The following ABCD4 variants were observed in gnomAD, a reference collection of about 807,000 sequenced individuals.
The protein encoded by ABCD4 is ATP binding cassette subfamily D member 4.
A neutral mutation model predicts 86.3 loss-of-function variants in ABCD4; 53 were observed. The ratio of observed to expected loss-of-function variants is 0.61; its 90% CI spans 0.49 to 0.77. ABCD4 has a LOEUF of 0.77. ABCD4 is among the 30% of genes least tolerant of loss of function. The pLI, the probability that ABCD4 is intolerant of heterozygous loss-of-function variation, is 0.00. For synonymous variants in ABCD4, 328 were observed against 313.6 expected (o/e 1.05, Z -0.49); for missense variants, 757 against 764.5 (o/e 0.99, Z 0.12).
chr14:74,300,497 C>A (rs1186598511), intron 1 of ABCD4, among the ~76,000 whole-genome samples: 5 of 150,132 alleles, frequency 3.3e-5, no homozygotes, highest in African/African-American at 1.2e-4. Context: ...GAGGCTGAGT[C>A]AGGAGAATTG....
Position 74,290,344 on chromosome 14 carries a change from G to A in ABCD4, c.1274C>T (p.Thr425Ile), listed in dbSNP as rs768330414. ...AACCCGGAGCAAGGAGGTCTTGCCA[G>A]TGCCCGTGTTGCCTGTGATGAGCAG... ...QSLLITGNTG[T>I]GKTSLLRVLG... Residue 425 changes from threonine to isoleucine, a missense_variant, in exon 12 of 19, where the codon ACT (threonine) becomes ATT (isoleucine). Transcript: ENST00000356924. 5 of 1,614,236 alleles carry A rather than the reference G, an allele frequency of 3.1e-6. No individual in the cohort carries two copies. In the South Asian group the frequency reaches 4.4e-5, roughly 14 times the overall value.
At chr14:74,287,919 G>A (rs755824000) in intron 16 of ABCD4, 33 bp from the exon 17 acceptor site, 1 of 1,578,616 alleles carries the variant, frequency 6.3e-7, no homozygotes, top group Admixed American at 1.7e-5. Flanking sequence ...ACTGCTAGAG[G>A]AGGAAGAATA....
chr14:74,293,202 GTC>G lies in ABCD4; in HGVS notation c.764_765del (p.Arg255ThrfsTer23). 6.2e-7 allele frequency: 1 copy of G among 1,614,180 alleles called. No homozygotes were observed. Among genetic ancestry groups the G allele is most frequent in the Non-Finnish European group, 8.5e-7 (1 of 1,180,028 alleles). On this transcript the variant is annotated frameshift_variant, in exon 8 of 19. Transcript: ENST00000356924. LOFTEE classifies it high-confidence loss of function. ...EHMRTDRRLQ[R>X]LLQTQRELMS... Reference sequence around the variant, plus strand: ...ATCAGCTCCCTCTGGGTCTGAAGGAGTCTCTGCAGCCTGCGGTCTGTCCTCAT... The same window carrying G: ...ATCAGCTCCCTCTGGGTCTGAAGGAGTCTGCAGCCTGCGGTCTGTCCTCAT...
Position 74,292,834 on chromosome 14 carries a change from G to A in ABCD4, c.850C>T (p.Leu284=). 1.2e-6 allele frequency: 2 copies of A among 1,614,128 alleles called. No homozygotes were observed. The highest frequency in any genetic ancestry group is 1.7e-6 in the Non-Finnish European group (2 of 1,180,022). The change falls in exon 9 of 19, where the codon CTG becomes TTG. Residue 284 remains leucine, a synonymous_variant. Coordinates refer to ENST00000356924, the MANE Select transcript of ABCD4 (RefSeq NM_005050.4). ...GGGATTGCGATGACAACGTAACTCA[G>A]GATGCTGCCCAGATAGTCAAAGGTG... The part of the protein sequence containing the change: ...INTFDYLGSI[L]SYVVIAIPIF...
In ABCD4 at chr14:74,290,032, C is replaced by T. The variant is rs1425390688; in HGVS notation, c.1414G>A (p.Glu472Lys). ...GCCCCCTGAACTAGACTGACCTGCT[C>T]CCGAAGGGTCCCGTCAGTGAAGAAT... ...KPFFTDGTLR[E>K]QVIYPLKEVY... Residue 472 changes from glutamate (E) to lysine (K), a missense_variant, in exon 13 of 19, where the codon GAG becomes AAG. Glu to Lys is a moderately conservative substitution (Grantham distance 56, BLOSUM62 1). Transcript: ENST00000356924. 7.4e-6 allele frequency: 12 copies of T among 1,613,988 alleles called. No individual in the cohort carries two copies. The highest frequency in any genetic ancestry group is 2.5e-6 in the Non-Finnish European group (3 of 1,180,014).
At chr14:74,300,325 A>C in intron 1 of ABCD4, 57 bp from the exon 2 acceptor site, 1 of 1,148,290 alleles carries the variant, frequency 8.7e-7, no homozygotes, top group Non-Finnish European at 1.3e-6. Flanking sequence ...AGCCTTAGGG[A>C]GTAGTTATTA....
At chr14:74,291,186 G>A (rs1042870756) in intron 11 of ABCD4, among the ~76,000 whole-genome samples, 1 of 152,194 alleles carries the variant, frequency 6.6e-6, no homozygotes, top group African/African-American at 2.4e-5. Context: ...TGGACCATAA[G>A]CATCCAGAAT....
rs138775118 is a variant in ABCD4 at position 74,292,817 on chromosome 14, G to A, written c.867C>T (p.Ile289=). ...YLGSILSYVV[I]AIPIFSGVYG... is the part of the protein sequence containing the mutation. ...AGACCCCGCTGAAAATGGGGATTGC[G>A]ATGACAACGTAACTCAGGATGCTGC... Residue 289 remains isoleucine, a synonymous_variant, in exon 9 of 19, where the codon ATC becomes ATT. Transcript: ENST00000356924. 349 of 1,614,182 alleles carry A rather than the reference G, an allele frequency of 2.2e-4. No individual in the cohort carries two copies. Among genetic ancestry groups the A allele is most frequent in the Non-Finnish European group, 2.7e-4 (313 of 1,180,038 alleles).
intron 3 of ABCD4, among the ~76,000 whole-genome samples, chr14:74,298,332 C>T (rs776773117): frequency 2.2e-4 from 34 of 152,112 alleles, no homozygotes; most frequent in Non-Finnish European, 3.7e-4. Context: ...AGTGCAATGG[C>T]GCGATCTTGG....
At position 74,288,176 on chromosome 14, in the gene ABCD4, T is replaced by C. The variant is rs759561466; in HGVS notation, c.1559+31A>G. ...AAACCCACTGTCTTTATGGTGGGGC[T>C]ATCTCTGGAGCACCCAAGCTCTTTT... On this transcript the variant is annotated intron_variant, in intron 16 of 18. Coordinates refer to ENST00000356924, the MANE Select transcript of ABCD4 (RefSeq NM_005050.4). 142 of 1,609,590 alleles carry C rather than the reference T, an allele frequency of 8.8e-5. 1 individual carries two copies. The Admixed American group carries it at 1.6e-3, about 19-fold the overall frequency.
intron 8 of ABCD4, 51 bp from the exon 9 acceptor site, chr14:74,292,920 A>T: frequency 6.2e-7 from 1 of 1,612,156 alleles, no homozygotes; most frequent in African/African-American, 1.3e-5. Flanking sequence ...CATGCCCTAC[A>T]GCGGACACAA....
rs1156505986 is a variant in ABCD4 at position 74,293,206 on chromosome 14, C to CAGA, written c.761_762insTCT (p.Gln254delinsHisLeu). 1.2e-6 allele frequency: 2 copies of CAGA among 1,614,082 alleles called. No homozygotes were observed. The highest frequency in any genetic ancestry group is 2.7e-5 in the African/African-American group (2 of 74,926). On this transcript the variant is annotated protein_altering_variant, in exon 8 of 19. Coordinates refer to ENST00000356924, the MANE Select transcript of ABCD4 (RefSeq NM_005050.4). ...GCTCCCTCTGGGTCTGAAGGAGTCTCTGCAGCCTGCGGTCTGTCCTCATGT... is the reference window on the plus strand; with the variant it reads ...GCTCCCTCTGGGTCTGAAGGAGTCTCAGATGCAGCCTGCGGTCTGTCCTCATGT...
At chr14:74,291,175 G>C (rs893991613) in intron 11 of ABCD4, among the ~76,000 whole-genome samples, 1 of 152,200 alleles carries the variant, frequency 6.6e-6, no homozygotes, top group Non-Finnish European at 1.5e-5. Flanking sequence ...CAACTTGATC[G>C]TGGACCATAA....
intron 11 of ABCD4, 114 bp from the exon 12 acceptor site, chr14:74,290,613 C>G (rs1435390327): frequency 1.0e-5 from 8 of 768,676 alleles, no homozygotes; most frequent in Non-Finnish European, 6.6e-6. Context: ...TGACTTGCAT[C>G]CTCCCAAAAT....
At position 74,288,273 on chromosome 14, in the gene ABCD4, AG is replaced by A; in HGVS notation, c.1507-15del. Reference sequence around the variant, plus strand: ...CACCAAGTTGGACTGTAACAGACCCAGAGGGCAGGATGTCCATGAAATGGCC... The same window carrying A: ...CACCAAGTTGGACTGTAACAGACCCAAGGGCAGGATGTCCATGAAATGGCC... On this transcript the variant is annotated splice_polypyrimidine_tract_variant and intron_variant, in intron 15 of 18. Transcript: ENST00000356924. The A allele has an allele frequency of 6.2e-7, 1 of 1,603,538 alleles. No individual in the cohort carries two copies. Among genetic ancestry groups the A allele is most frequent in the Non-Finnish European group, 8.5e-7 (1 of 1,174,784 alleles).
intron 18 of ABCD4, 34 bp from the exon 19 acceptor site, chr14:74,286,563 TG>T (rs1374175821): frequency 6.2e-7 from 1 of 1,614,028 alleles, no homozygotes; most frequent in Non-Finnish European, 8.5e-7. Context: ...GAGATCAGGC[TG>T]CCCTGGCCGC....
intron 16 of ABCD4, 21 bp from the exon 17 acceptor site, chr14:74,287,907 G>A (rs1458955961): frequency 2.5e-6 from 4 of 1,600,118 alleles, no homozygotes; most frequent in Non-Finnish European, 3.4e-6. Flanking sequence ...GTAGGAGAGA[G>A]GACTGCTAGA....
In ABCD4 at chr14:74,295,163, G is replaced by A; in HGVS notation, c.704C>T (p.Pro235Leu). The change falls in exon 7 of 19, where the codon CCT becomes CTT. Residue 235 changes from proline (P) to leucine (L), a missense_variant. Pro to Leu is a moderately conservative substitution (Grantham distance 98, BLOSUM62 -3). Transcript: ENST00000356924. ...CCAGACTCACCTGTAGAAAGCAGCA[G>A]GCTCCGCATTCACCCGAATCTGCAT... ...KHMQIRVNAE[P>L]AAFYRAGHVE... 2 of 1,614,224 alleles carry A rather than the reference G, an allele frequency of 1.2e-6. No individual in the cohort carries two copies. Among genetic ancestry groups the A allele is most frequent in the African/African-American group, 1.3e-5 (1 of 75,052 alleles).
At chr14:74,297,891 CCACA>C in intron 4 of ABCD4, 35 bp downstream of exon 4, 1 of 1,588,484 alleles carries the variant, frequency 6.3e-7, no homozygotes, top group Admixed American at 1.8e-5. Flanking sequence ...AAGGAAAGGA[CCACA>C]CAGAGTGTAG....
Sources: allele counts gnomAD v4.1 joint callset (sites outside exome capture counted in the v4.1 genomes callset), GRCh38; gene constraint gnomAD v4.1.1; transcripts MANE v1.5; gene names NCBI Gene and HGNC (gene_info 2026-07-23, HGNC 2026-07-21).